Variants in TNNC2 observed in about 807,000 individuals in gnomAD.
The protein encoded by TNNC2 is troponin C, skeletal muscle.
Under a neutral mutation model 20.0 loss-of-function variants are expected in TNNC2, and 14 were observed. The ratio of observed to expected loss-of-function variants is 0.70; its 90% CI spans 0.46 to 1.09. TNNC2 has a LOEUF of 1.09. Among genes scored for constraint, TNNC2 ranks in the 50% least tolerant of loss-of-function variants. The probability of loss-of-function intolerance (pLI) is 0.00; values close to 1 mark genes in which losing one functional copy is unlikely to be tolerated. For missense variants in TNNC2, 163 were observed against 223.8 expected, an observed-to-expected ratio of 0.73 and a Z score of 1.73; for synonymous variants, 81 against 77.3, an observed-to-expected ratio of 1.05 and a Z score of -0.25.
upstream of TNNC2, among the ~76,000 whole-genome samples, chr20:45,830,558 A>G (rs934907608): frequency 1.3e-5 from 2 of 152,188 alleles, no homozygotes; most frequent in Middle Eastern, 3.4e-3. Context: ...AGTTTCCTCA[A>G]TCATAGCACT....
chr20:45,824,870 G>A (rs1982927779), intron 1 of TNNC2, 36 bp from the exon 2 acceptor site: 1 of 1,613,380 alleles, frequency 6.2e-7, no homozygotes, highest in Non-Finnish European at 8.5e-7. Flanking sequence ...AGCTGAAGAG[G>A]CAGCCCCAGA....
At chr20:45,829,775 G>C (rs2145729415), upstream of TNNC2, among the ~76,000 whole-genome samples, 3 of 146,980 alleles carry the variant, frequency 2.0e-5, no homozygotes, top group Middle Eastern at 0.011. Context: ...AACAGAGCAA[G>C]ACCCCGTCTC....
rs1236653034 is a variant in TNNC2, at chr20:45,824,285, A to T, written c.314+7T>A. On this transcript the variant is annotated splice_region_variant and intron_variant, in intron 4 of 5. Coordinates refer to ENST00000372555, the MANE Select transcript of TNNC2 (RefSeq NM_003279.3). ...CCCCTCCCTCGGCTCCCGGGCCCCC[A>T]GCGCACCTGTCGAAGATGCGGAAGC... 6.2e-7 allele frequency: 1 copy of T among 1,609,380 alleles called. No individual in the cohort carries two copies. Among genetic ancestry groups the T allele is most frequent in the Non-Finnish European group, 8.5e-7 (1 of 1,179,756 alleles).
In TNNC2 at chr20:45,823,419, G is replaced by C. The variant is rs1461680641; in HGVS notation, c.452-40C>G. The stretch of plus-strand genomic sequence containing the variant: ...AGGGAGAGGGTCAGGGGTCCCACTG[G>C]GGACGCAGAGGCCAGGCCAGGGCTC... On this transcript the variant is annotated intron_variant, in intron 5 of 5. Coordinates refer to ENST00000372555, the MANE Select transcript of TNNC2 (RefSeq NM_003279.3). This position sits in a 1 kb window ranked among gnomAD's most constrained non-coding sequence, Gnocchi z 4.6. 2 of 1,572,320 alleles carry C rather than the reference G, an allele frequency of 1.3e-6. No individual in the cohort carries two copies. The highest frequency in any genetic ancestry group is 1.7e-6 in the Non-Finnish European group (2 of 1,158,244).
upstream of TNNC2, among the ~76,000 whole-genome samples, chr20:45,830,826 T>C (rs1983091873): frequency 1.3e-5 from 2 of 152,148 alleles, no homozygotes; most frequent in South Asian, 4.1e-4. Flanking sequence ...TGACCATTTC[T>C]CAGGGAGGCT....
At chr20:45,824,696 A>AGCCCCCC (rs1982915996) in intron 2 of TNNC2, 58 bp from the exon 3 acceptor site, 2 of 1,386,402 alleles carry the variant, frequency 1.4e-6, no homozygotes, top group Non-Finnish European at 9.7e-7. Flanking sequence ...CCTCACACCT[A>AGCCCCCC]CCCCCCCCCA....
upstream of TNNC2, among the ~76,000 whole-genome samples, chr20:45,831,582 G>A (rs146976335): frequency 7.9e-5 from 12 of 152,104 alleles, no homozygotes; most frequent in East Asian, 2.3e-3. Flanking sequence ...TCCAGCCTGG[G>A]TGATGGAGTA....
At position 45,824,784 on chromosome 20, in the gene TNNC2, A is replaced by G. The variant is rs1467089840; in HGVS notation, c.54T>C (p.Ala18=). The G allele has an allele frequency of 3.9e-6, 6 of 1,524,840 alleles. No individual in the cohort carries two copies. Among genetic ancestry groups the G allele is most frequent in the Non-Finnish European group, 5.3e-6 (6 of 1,132,564 alleles). 94.5% of individuals were successfully genotyped at this position (1,524,840 alleles called of 1,614,324 possible). A position where few individuals can be genotyped will look rare whatever the true frequency, so the allele number is the denominator to read the frequency against. ...ARSYLSEEMI[A]EFKAAFDMFD... Reference sequence around the variant, plus strand: ...CCCAGCCTGCCGCGCCTCACTCACCAGCGATCATCTCTTCGCTGAGGTAGG... The same window carrying G: ...CCCAGCCTGCCGCGCCTCACTCACCGGCGATCATCTCTTCGCTGAGGTAGG... Residue 18 remains alanine (A), a splice_region_variant and synonymous_variant, in exon 2 of 6, where the codon GCT becomes GCC. Coordinates refer to ENST00000372555, the MANE Select transcript of TNNC2 (RefSeq NM_003279.3).
chr20:45,826,446 C>T (rs1982971009), intron 1 of TNNC2, among the ~76,000 whole-genome samples: 1 of 152,180 alleles, frequency 6.6e-6, no homozygotes, highest in South Asian at 2.1e-4. Context: ...GGGGTTTCCA[C>T]GTCATATCCA....
At chr20:45,826,534 G>T (rs1982973930) in intron 1 of TNNC2, among the ~76,000 whole-genome samples, 1 of 152,222 alleles carries the variant, frequency 6.6e-6, no homozygotes, top group African/African-American at 2.4e-5. Context: ...GAGCTCTTCA[G>T]CCAGCTGGCC....
chr20:45,832,015 G>T (rs770861943), upstream of TNNC2, among the ~76,000 whole-genome samples: 1 of 152,164 alleles, frequency 6.6e-6, no homozygotes, highest in Non-Finnish European at 1.5e-5. Context: ...TTCGAGGTTT[G>T]AAATTGTGCA....
chr20:45,830,354 A>C (rs1601058557), upstream of TNNC2, among the ~76,000 whole-genome samples: 3 of 151,684 alleles, frequency 2.0e-5, no homozygotes, highest in Admixed American at 2.0e-4. Flanking sequence ...AAAAAAAAAA[A>C]AAAAGACTAC....
At position 45,823,321 on chromosome 20, in the gene TNNC2, A is replaced by T. The variant is rs1982857082; in HGVS notation, c.*27T>A. 1.9e-6 allele frequency: 3 copies of T among 1,572,262 alleles called. No individual in the cohort carries two copies. The highest frequency in any genetic ancestry group is 2.7e-5 in the African/African-American group (2 of 74,278). ...GTCTCCCACACCCTAGGGACACGCGATCTTGGTAGAGGCGACTGTCCACTC... is the reference window on the plus strand; with the variant it reads ...GTCTCCCACACCCTAGGGACACGCGTTCTTGGTAGAGGCGACTGTCCACTC... On this transcript the variant is annotated 3_prime_UTR_variant, in exon 6 of 6. Coordinates refer to ENST00000372555, the MANE Select transcript of TNNC2 (RefSeq NM_003279.3). The surrounding 1 kb of genome is among the most constrained non-coding windows in gnomAD (Gnocchi z 4.6).
chr20:45,825,350 G>T lies in TNNC2; in HGVS notation c.4-516C>A, dbSNP rs1479441186. Among the ~76,000 whole-genome samples the T allele has an allele frequency of 3.3e-5, 5 of 151,390 alleles. No homozygotes were observed. In the South Asian group the frequency reaches 8.3e-4, roughly 25 times the overall value. ...CCTGTCGCCCAGGCTGGAGTGCAAT[G>T]GCGTGATCTCGGCTCACTGCAACCT... is the stretch of plus-strand genomic sequence containing the variant. On this transcript the variant is annotated intron_variant, in intron 1 of 5. Coordinates refer to ENST00000372555, the MANE Select transcript of TNNC2 (RefSeq NM_003279.3).
rs766413846 is a variant in TNNC2 at position 45,823,317 on chromosome 20, C to T, written c.*31G>A. On this transcript the variant is annotated 3_prime_UTR_variant, in exon 6 of 6. Transcript: ENST00000372555. The surrounding 1 kb of genome is among the most constrained non-coding windows in gnomAD (Gnocchi z 4.6). ...CGGAGTCTCCCACACCCTAGGGACA[C>T]GCGATCTTGGTAGAGGCGACTGTCC... 128 of 1,568,784 alleles carry T rather than the reference C, an allele frequency of 8.2e-5. 1 individual carries two copies. Among genetic ancestry groups the T allele is most frequent in the Non-Finnish European group, 8.5e-5 (98 of 1,156,704 alleles).
chr20:45,831,472 G>T (rs915666184), upstream of TNNC2, among the ~76,000 whole-genome samples: 2 of 152,036 alleles, frequency 1.3e-5, no homozygotes, highest in Non-Finnish European at 2.9e-5. Context: ...AGCTACTTGG[G>T]ATTACTTGTA....
rs755301842 is a variant in TNNC2, at chr20:45,824,104, G to C, written c.338C>G (p.Pro113Arg). Residue 113 changes from proline to arginine, a missense_variant, in exon 5 of 6, where the codon CCG (proline) becomes CGG (arginine). Coordinates refer to ENST00000372555, the MANE Select transcript of TNNC2 (RefSeq NM_003279.3). ...FDRNADGYID[P>R]EELAEIFRAS... ...CCTGAAAATCTCAGCCAGCTCCTCC[G>C]GGTCGATGTAGCCGTCTGCATTCCT... is the stretch of plus-strand genomic sequence containing the variant. 7 of 1,613,646 alleles carry C rather than the reference G, an allele frequency of 4.3e-6. No individual in the cohort carries two copies. Among genetic ancestry groups the C allele is most frequent in the East Asian group, 4.5e-5 (2 of 44,844 alleles).
chr20:45,828,399 G>A (rs540266886), upstream of TNNC2, among the ~76,000 whole-genome samples: 3 of 152,274 alleles, frequency 2.0e-5, no homozygotes. Context: ...AGTCCTTGGG[G>A]CACCTGTCCA....
upstream of TNNC2, among the ~76,000 whole-genome samples, chr20:45,829,076 G>A (rs897049525): frequency 1.2e-4 from 18 of 151,850 alleles, no homozygotes; most frequent in Middle Eastern, 3.2e-3. Flanking sequence ...CGCCTCCTAG[G>A]TTCAAGTGAT....
Sources: gnomAD v4.1 joint callset for allele counts (sites outside exome capture counted in the v4.1 genomes callset) on GRCh38, gnomAD v4.1.1 for gene constraint, Gnocchi (gnomAD v3.1) non-coding constraint, MANE v1.5 for transcripts, NCBI Gene and HGNC (gene_info 2026-07-23, HGNC 2026-07-21) for gene names.